The following FOXL2NB variants were observed in gnomAD, a reference collection of about 807,000 sequenced individuals.
The protein encoded by FOXL2NB is FOXL2 neighbor protein.
In FOXL2NB, 10 loss-of-function variants were observed where a neutral mutation model predicts 7.4. That is an observed-to-expected ratio of 1.34 (90% CI 0.83 to 2.28). The LOEUF is 2.28. Ranked by LOEUF, FOXL2NB falls within the 30% of genes most tolerant of loss-of-function variation. FOXL2NB has a pLI of 0.00. For synonymous variants in FOXL2NB, 104 were observed against 105.3 expected (o/e 0.99, Z 0.08); for missense variants, 228 against 233.9 (o/e 0.97, Z 0.17).
At chr3:138,950,195 G>T in intron 2 of FOXL2NB, 70 bp from the exon 3 acceptor site, 1 of 1,547,714 alleles carries the variant, frequency 6.5e-7, no homozygotes. Context: ...GCCTGGCCCC[G>T]CGCCTCGGAG....
rs377658501 is a variant in FOXL2NB at position 138,949,564 on chromosome 3, C to A, written c.145C>A (p.Leu49Met). 1 of 1,614,150 alleles carries A rather than the reference C, an allele frequency of 6.2e-7. No homozygotes were observed. The highest frequency in any genetic ancestry group is 8.5e-7 in the Non-Finnish European group (1 of 1,180,008). ...VKKRMPDACT[L>M]GRAGIGLPKM... The stretch of plus-strand genomic sequence containing the variant: ...GAAGAGGATGCCTGATGCGTGCACC[C>A]TGGGAAGGGCTGGAATCGGTCTCCC... The change falls in exon 2 of 3, where the codon CTG (leucine) becomes ATG (methionine). Residue 49 changes from leucine to methionine, a missense_variant. Transcript: ENST00000383165. The surrounding 1 kb of genome is among the most constrained non-coding windows in gnomAD (Gnocchi z 4.5).
rs941607739 is a variant in FOXL2NB at position 138,953,133 on chromosome 3, C to G, written c.*2561C>G. 2 of 152,194 alleles carry G rather than the reference C, an allele frequency of 1.3e-5. No individual in the cohort carries two copies. Among genetic ancestry groups the G allele is most frequent in the African/African-American group, 4.8e-5 (2 of 41,428 alleles). 9.4% of individuals were successfully genotyped at this position (152,194 alleles called of 1,614,324 possible). On this transcript the variant is annotated 3_prime_UTR_variant, in exon 3 of 3. Coordinates refer to ENST00000383165, the MANE Select transcript of FOXL2NB (RefSeq NM_001040061.3). The stretch of plus-strand genomic sequence containing the variant: ...AGTTCAAGTGATTCTCCTGCCTGAA[C>G]CTCCTGTGTAGCTGGGACTACAGGC...
Position 138,953,583 on chromosome 3 carries a change from G to A in FOXL2NB, c.*3011G>A, listed in dbSNP as rs974005883. On this transcript the variant is annotated 3_prime_UTR_variant, in exon 3 of 3. Coordinates refer to ENST00000383165, the MANE Select transcript of FOXL2NB (RefSeq NM_001040061.3). The stretch of plus-strand genomic sequence containing the variant: ...ATTTTTGTATGCAGTATAACTTACA[G>A]ATGGTAAACAATATACAGCTTGATG... 5 of 152,208 alleles carry A rather than the reference G, an allele frequency of 3.3e-5. No individual in the cohort carries two copies. Among genetic ancestry groups the A allele is most frequent in the African/African-American group, 1.2e-4 (5 of 41,436 alleles). The allele number at this position is 152,208 out of a possible 1,614,324, so 9.4% of individuals were successfully genotyped here.
At position 138,949,396 on chromosome 3, in the gene FOXL2NB, G is replaced by C; in HGVS notation, c.101-124G>C. 1 of 1,029,512 alleles carries C rather than the reference G, an allele frequency of 9.7e-7. No homozygotes were observed. Among genetic ancestry groups the C allele is most frequent in the Non-Finnish European group, 1.4e-6 (1 of 706,326 alleles). 63.8% of individuals were successfully genotyped at this position (1,029,512 alleles called of 1,614,324 possible). A position where few individuals can be genotyped will look rare whatever the true frequency, so the allele number is the denominator to read the frequency against. The stretch of plus-strand genomic sequence containing the variant: ...CCTGTGTGTGTATGCATGTGCGTGT[G>C]TGTGTGTGTGTGTGTGTGTGTAGGG... On this transcript the variant is annotated intron_variant, in intron 1 of 2. Coordinates refer to ENST00000383165, the MANE Select transcript of FOXL2NB (RefSeq NM_001040061.3). This position sits in a 1 kb window ranked among gnomAD's most constrained non-coding sequence, Gnocchi z 4.5.
rs1576470804 is a variant in FOXL2NB at position 138,947,251 on chromosome 3, C to T, written c.-114C>T. The T allele has an allele frequency of 1.2e-6, 1 of 824,490 alleles. No individual in the cohort carries two copies. The highest frequency in any genetic ancestry group is 2.8e-5 in the East Asian group (1 of 35,734). 51.1% of individuals were successfully genotyped at this position (824,490 alleles called of 1,614,324 possible). On this transcript the variant is annotated 5_prime_UTR_variant, in exon 1 of 3. Coordinates refer to ENST00000383165, the MANE Select transcript of FOXL2NB (RefSeq NM_001040061.3). The surrounding 1 kb of genome is among the most constrained non-coding windows in gnomAD (Gnocchi z 5.2). ...TCCAAGTCACTTTTTGTAAACGCCC[C>T]GCACAGCCTGGACCGGCCTGCCCCC...
At position 138,951,646 on chromosome 3, in the gene FOXL2NB, GC is replaced by G. The variant is rs1936134051; in HGVS notation, c.*1075del. 6.6e-6 allele frequency: 1 copy of G among 152,388 alleles called. No individual in the cohort carries two copies. The highest frequency in any genetic ancestry group is 2.4e-5 in the African/African-American group (1 of 41,482). The allele number at this position is 152,388 out of a possible 1,614,324, so 9.4% of individuals were successfully genotyped here. ...GGCGGATTCTAGGGTGGTGGGAGCTGCTGACAAGTTTCCTCTGATATCCCTC... is the reference window on the plus strand; with the variant it reads ...GGCGGATTCTAGGGTGGTGGGAGCTGTGACAAGTTTCCTCTGATATCCCTC... On this transcript the variant is annotated 3_prime_UTR_variant, in exon 3 of 3. Coordinates refer to ENST00000383165, the MANE Select transcript of FOXL2NB (RefSeq NM_001040061.3).
intron 1 of FOXL2NB, among the ~76,000 whole-genome samples, chr3:138,948,785 AAAGGGAGGGAGGAC>A (rs1936048856): frequency 6.6e-6 from 1 of 152,148 alleles, no homozygotes; most frequent in African/African-American, 2.4e-5. Context: ...TTCTGAGATG[AAAGGGAGGGAGGAC>A]AAGGGTGGTA....
chr3:138,948,663 T>C (rs1393130073), intron 1 of FOXL2NB, among the ~76,000 whole-genome samples: 1 of 152,178 alleles, frequency 6.6e-6, no homozygotes, highest in Non-Finnish European at 1.5e-5. Flanking sequence ...CCAGGCTGTT[T>C]AGACTCTGAG....
At position 138,953,539 on chromosome 3, in the gene FOXL2NB, G is replaced by A. The variant is rs1559926218; in HGVS notation, c.*2967G>A. On this transcript the variant is annotated 3_prime_UTR_variant, in exon 3 of 3. Coordinates refer to ENST00000383165, the MANE Select transcript of FOXL2NB (RefSeq NM_001040061.3). ...TCTTTATCCACTCATTGGTTGATGG[G>A]CATTTAGCCTTGTTCCATATTTTTG... 1 of 152,200 alleles carries A rather than the reference G, an allele frequency of 6.6e-6. No individual in the cohort carries two copies. Among genetic ancestry groups the A allele is most frequent in the East Asian group, 1.9e-4 (1 of 5,198 alleles). 9.4% of individuals were successfully genotyped at this position (152,200 alleles called of 1,614,324 possible).
At position 138,952,122 on chromosome 3, in the gene FOXL2NB, A is replaced by T. The variant is rs769273686; in HGVS notation, c.*1550A>T. 3.9e-5 allele frequency: 6 copies of T among 152,240 alleles called. No homozygotes were observed. The highest frequency in any genetic ancestry group is 9.6e-5 in the African/African-American group (4 of 41,454). 9.4% of individuals were successfully genotyped at this position (152,240 alleles called of 1,614,324 possible). A position where few individuals can be genotyped will look rare whatever the true frequency, so the allele number is the denominator to read the frequency against. ...ACCTCCCTAGTTCCCAGTCATGGTG[A>T]GGACCTGTCTGAAACATTCAAACTA... On this transcript the variant is annotated 3_prime_UTR_variant, in exon 3 of 3. Transcript: ENST00000383165.
Position 138,949,417 on chromosome 3 carries a change from T to TGA in FOXL2NB, c.101-103_101-102insGA. 8.0e-7 allele frequency: 1 copy of TGA among 1,249,104 alleles called. No homozygotes were observed. The highest frequency in any genetic ancestry group is 1.1e-6 in the Non-Finnish European group (1 of 889,886). 77.4% of individuals were successfully genotyped at this position (1,249,104 alleles called of 1,614,324 possible). ...GTGTGTGTGTGTGTGTGTGTGTGTG[T>TGA]AGGGGTTGGGGGCAAATGAAGGAGT... On this transcript the variant is annotated intron_variant, in intron 1 of 2. Transcript: ENST00000383165. This position sits in a 1 kb window ranked among gnomAD's most constrained non-coding sequence, Gnocchi z 4.5.
chr3:138,949,782 A>T lies in FOXL2NB; in HGVS notation c.220+143A>T. 1 of 1,264,496 alleles carries T rather than the reference A, an allele frequency of 7.9e-7. No homozygotes were observed. The highest frequency in any genetic ancestry group is 1.8e-5 in the Admixed American group (1 of 54,270). The allele number at this position is 1,264,496 out of a possible 1,614,324, so 78.3% of individuals were successfully genotyped here. ...ATCCTCTCCTTGCCGGCCCAGCCAG[A>T]GGTGGGTGAACCGGGCGCTCCAGGA... On this transcript the variant is annotated intron_variant, in intron 2 of 2. Coordinates refer to ENST00000383165, the MANE Select transcript of FOXL2NB (RefSeq NM_001040061.3). The surrounding 1 kb of genome is among the most constrained non-coding windows in gnomAD (Gnocchi z 4.5).
In FOXL2NB at chr3:138,953,301, A is replaced by C. The variant is rs1936169896; in HGVS notation, c.*2729A>C. 1 of 152,268 alleles carries C rather than the reference A, an allele frequency of 6.6e-6. No homozygotes were observed. The highest frequency in any genetic ancestry group is 2.4e-5 in the African/African-American group (1 of 41,468). 9.4% of individuals were successfully genotyped at this position (152,268 alleles called of 1,614,324 possible). A position where few individuals can be genotyped will look rare whatever the true frequency, so the allele number is the denominator to read the frequency against. ...AGTGTTGGGATTACAGGCGTGCGCCACTGCGCCTGGTCCATTATGTCATTC... is the reference window on the plus strand; with the variant it reads ...AGTGTTGGGATTACAGGCGTGCGCCCCTGCGCCTGGTCCATTATGTCATTC... On this transcript the variant is annotated 3_prime_UTR_variant, in exon 3 of 3. Coordinates refer to ENST00000383165, the MANE Select transcript of FOXL2NB (RefSeq NM_001040061.3).
At position 138,953,889 on chromosome 3, in the gene FOXL2NB, G is replaced by T. The variant is rs1936180904; in HGVS notation, c.*3317G>T. Among the ~76,000 whole-genome samples, 1 of 152,022 alleles carries T rather than the reference G, an allele frequency of 6.6e-6. No individual in the cohort carries two copies. Among genetic ancestry groups the T allele is most frequent in the African/African-American group, 2.4e-5 (1 of 41,368 alleles). On this transcript the variant is annotated 3_prime_UTR_variant, in exon 3 of 3. Coordinates refer to ENST00000383165, the MANE Select transcript of FOXL2NB (RefSeq NM_001040061.3). ...TGTCAGACATTTATTTCTTTTTATT[G>T]CTGTGTAATATTCTAGTATTTGCTT...
rs1275058559 is a variant in FOXL2NB at position 138,950,746 on chromosome 3, C to T, written c.*174C>T. On this transcript the variant is annotated 3_prime_UTR_variant, in exon 3 of 3. Transcript: ENST00000383165. Reference sequence around the variant, plus strand: ...TGTCAACTCCAAATCCCCTCTAGTTCTCCCTCCCCTCCTACTTCTCTCACA... The same window carrying T: ...TGTCAACTCCAAATCCCCTCTAGTTTTCCCTCCCCTCCTACTTCTCTCACA... The T allele has an allele frequency of 9.3e-6, 6 of 643,696 alleles. No homozygotes were observed. Among genetic ancestry groups the T allele is most frequent in the Non-Finnish European group, 1.6e-5 (6 of 377,384 alleles). 39.9% of individuals were successfully genotyped at this position (643,696 alleles called of 1,614,324 possible).
In FOXL2NB at chr3:138,949,393, T is replaced by TGC. The variant is rs762162575; in HGVS notation, c.101-126_101-125insCG. Reference sequence around the variant, plus strand: ...GAGCCTGTGTGTGTATGCATGTGCGTGTGTGTGTGTGTGTGTGTGTGTGTA... The same window carrying TGC: ...GAGCCTGTGTGTGTATGCATGTGCGTGCGTGTGTGTGTGTGTGTGTGTGTGTA... On this transcript the variant is annotated intron_variant, in intron 1 of 2. Transcript: ENST00000383165. This position sits in a 1 kb window ranked among gnomAD's most constrained non-coding sequence, Gnocchi z 4.5. 22 of 422,760 alleles carry TGC rather than the reference T, an allele frequency of 5.2e-5. No homozygotes were observed. The Admixed American group carries it at 7.0e-4, about 13-fold the overall frequency. The allele number at this position is 422,760 out of a possible 1,614,324, so 26.2% of individuals were successfully genotyped here. A position where few individuals can be genotyped will look rare whatever the true frequency, so the allele number is the denominator to read the frequency against.
intron 1 of FOXL2NB, among the ~76,000 whole-genome samples, chr3:138,948,959 T>C (rs1358962170): frequency 6.6e-6 from 1 of 152,166 alleles, no homozygotes; most frequent in Admixed American, 6.5e-5. Context: ...CCAACAGACA[T>C]GGGGGAAGCA....
In FOXL2NB at chr3:138,949,612, G is replaced by A; in HGVS notation, c.193G>A (p.Val65Ile). ...GLPKMCLHMA[V>I]RHSKAQKTGP... The stretch of plus-strand genomic sequence containing the variant: ...CCCCAAGATGTGCCTTCACATGGCT[G>A]TCCGGCATTCGAAGGCTCAGAAAAC... The change falls in exon 2 of 3, where the codon GTC (valine) becomes ATC (isoleucine). Residue 65 changes from valine (V) to isoleucine (I), a missense_variant. Physicochemically the swap from Val to Ile is conservative, Grantham distance 29 (BLOSUM62 3). Transcript: ENST00000383165. This position sits in a 1 kb window ranked among gnomAD's most constrained non-coding sequence, Gnocchi z 4.5. 6.2e-7 allele frequency: 1 copy of A among 1,613,954 alleles called. No individual in the cohort carries two copies. The highest frequency in any genetic ancestry group is 8.5e-7 in the Non-Finnish European group (1 of 1,179,922).
At chr3:138,948,404 GGT>G (rs1180106423) in intron 1 of FOXL2NB, among the ~76,000 whole-genome samples, 1 of 152,206 alleles carries the variant, frequency 6.6e-6, no homozygotes, top group Non-Finnish European at 1.5e-5. Flanking sequence ...GGGAAAATCA[GGT>G]GTGCCTTTTA....
Sources: gnomAD v4.1 joint callset for allele counts (sites outside exome capture counted in the v4.1 genomes callset) on GRCh38, gnomAD v4.1.1 for gene constraint, Gnocchi (gnomAD v3.1) non-coding constraint, MANE v1.5 for transcripts, NCBI Gene and HGNC (gene_info 2026-07-23, HGNC 2026-07-21) for gene names.